Variants in RACGAP1 observed in about 807,000 individuals in gnomAD.
The protein encoded by RACGAP1 is rac GTPase-activating protein 1.
A neutral mutation model predicts 78.1 loss-of-function variants in RACGAP1; 30 were observed. The ratio of observed to expected loss-of-function variants is 0.38; its 90% CI spans 0.29 to 0.52. RACGAP1 has a LOEUF of 0.52. Ranked by LOEUF, RACGAP1 falls within the 20% of genes least tolerant of loss-of-function variation. RACGAP1 has a pLI of 0.82. For synonymous variants in RACGAP1, 231 were observed against 264.8 expected (o/e 0.87, Z 1.24); for missense variants, 587 against 777.1 (o/e 0.76, Z 2.91).
rs542659351 is a variant in RACGAP1, at chr12:50,006,418, G to A, written c.288+16C>T. On this transcript the variant is annotated intron_variant, in intron 3 of 16. Coordinates refer to ENST00000312377, the MANE Select transcript of RACGAP1 (RefSeq NM_001319999.2). ...TCCTGCATCATCACTGTTCTAGCAC[G>A]GAAAACAATACACACCAGCTTTTCG... is the stretch of plus-strand genomic sequence containing the variant. 386 of 1,613,682 alleles carry A rather than the reference G, an allele frequency of 2.4e-4. 3 individuals are homozygous for A. In the South Asian group the frequency reaches 3.4e-3, roughly 14 times the overall value.
intron 2 of RACGAP1, among the ~76,000 whole-genome samples, chr12:50,007,364 GGAA>G (rs1279523314): frequency 1.3e-5 from 2 of 152,098 alleles, no homozygotes; most frequent in Non-Finnish European, 2.9e-5. Context: ...GCATCTCAAA[GGAA>G]GAAGATAACC....
At chr12:50,031,755 C>T in exon 2 of RACGAP1, 1 of 985,452 alleles carries the variant, frequency 1.0e-6, no homozygotes, top group Non-Finnish European at 1.2e-6. Flanking sequence ...GGCATAAACT[C>T]CCGCAGCACT....
chr12:50,003,431 T>C (rs1948801277), intron 5 of RACGAP1, among the ~76,000 whole-genome samples: 1 of 152,202 alleles, frequency 6.6e-6, no homozygotes, highest in Non-Finnish European at 1.5e-5. Flanking sequence ...ATGCCTAATA[T>C]TTTTATCTAT....
At chr12:50,015,586 G>C (rs1422602801) in intron 2 of RACGAP1, among the ~76,000 whole-genome samples, 1 of 152,042 alleles carries the variant, frequency 6.6e-6, no homozygotes. Context: ...CAGATCACGA[G>C]GTCAGGAGAT....
At chr12:50,010,937 A>AG (rs968109703) in intron 2 of RACGAP1, among the ~76,000 whole-genome samples, 1 of 150,978 alleles carries the variant, frequency 6.6e-6, no homozygotes, top group African/African-American at 2.4e-5. Flanking sequence ...TTCTGTCTCA[A>AG]AAAAAAAATG....
In RACGAP1 at chr12:49,996,311, C is replaced by CA. The variant is rs201881176; in HGVS notation, c.1044+728dup. ...CCTGGACAACAGGGAAACTCTGTCT[C>CA]AAAAAAAAGAGAGACATTAAAAAAA... is the stretch of plus-strand genomic sequence containing the variant. On this transcript the variant is annotated intron_variant, in intron 10 of 16. Coordinates refer to ENST00000312377, the MANE Select transcript of RACGAP1 (RefSeq NM_001319999.2). 1.0e-3 allele frequency among the ~76,000 whole-genome samples: 152 copies of CA among 149,476 alleles called. 2 individuals carry two copies. Among genetic ancestry groups the CA allele is most frequent in the African/African-American group, 3.6e-3 (143 of 40,246 alleles).
chr12:50,031,410 T>A (rs1592253194), intron 2 of RACGAP1, among the ~76,000 whole-genome samples: 1 of 122,012 alleles, frequency 8.2e-6, no homozygotes, highest in Non-Finnish European at 1.6e-5. Flanking sequence ...ACCTGGGAGG[T>A]GGAGGCTGCA....
chr12:50,016,778 C>A, intron 1 of RACGAP1, 59 bp from the exon 2 acceptor site: 1 of 1,553,076 alleles, frequency 6.4e-7, no homozygotes, highest in Non-Finnish European at 8.8e-7. Flanking sequence ...ACAAAAGATT[C>A]TATAGCAATC....
intron 1 of RACGAP1, 139 bp from the exon 2 acceptor site, chr12:50,016,858 C>A (rs1265230181): frequency 1.4e-6 from 2 of 1,380,246 alleles, no homozygotes; most frequent in African/African-American, 2.9e-5. Flanking sequence ...AAGCTAACAA[C>A]AGATGTTTTG....
rs1323240647 is a variant in RACGAP1, at chr12:50,016,694, C to T, written c.22G>A (p.Val8Met). Residue 8 changes from valine to methionine, a missense_variant, in exon 2 of 17, where the codon GTG becomes ATG. Val to Met is a conservative substitution (Grantham distance 21). Coordinates refer to ENST00000312377, the MANE Select transcript of RACGAP1 (RefSeq NM_001319999.2). ...ACAAGCTGCTCAAACAGATTCCGCA[C>T]ATTCAGCATCATAGTATCCATCTTT... MDTMMLN[V>M]RNLFEQLVRR... 6.2e-7 allele frequency: 1 copy of T among 1,613,884 alleles called. No homozygotes were observed. Among genetic ancestry groups the T allele is most frequent in the Non-Finnish European group, 8.5e-7 (1 of 1,180,050 alleles).
chr12:49,991,434 A>G (rs1169265932), intron 15 of RACGAP1, among the ~76,000 whole-genome samples: 1 of 127,442 alleles, frequency 7.8e-6, no homozygotes, highest in Admixed American at 8.9e-5. Flanking sequence ...TAAGTGAAAT[A>G]AGAATGAATT....
chr12:49,991,840 G>T (rs1366351623), intron 15 of RACGAP1, among the ~76,000 whole-genome samples, 158 bp downstream of exon 15: 1 of 151,532 alleles, frequency 6.6e-6, no homozygotes, highest in Admixed American at 6.6e-5. Context: ...AAAGAAAGGA[G>T]AACATGGAAA....
rs149071305 is a variant in RACGAP1 at position 50,006,292 on chromosome 12, T to C, written c.288+142A>G. 1,026 of 841,188 alleles carry C rather than the reference T, an allele frequency of 1.2e-3. 1 individual carries two copies. Among genetic ancestry groups the C allele is most frequent in the Non-Finnish European group, 1.7e-3 (897 of 524,492 alleles). 52.1% of individuals were successfully genotyped at this position (841,188 alleles called of 1,614,324 possible). A position where few individuals can be genotyped will look rare whatever the true frequency, so the allele number is the denominator to read the frequency against. On this transcript the variant is annotated intron_variant, in intron 3 of 16. Transcript: ENST00000312377. ...TAGTCTGCAATTTCAGCTCTAATCA[T>C]GGGCAAGCTGTTAAAGAACAGGTCA...
Position 49,992,388 on chromosome 12 carries a change from G to T in RACGAP1, c.1446-11C>A, listed in dbSNP as rs1368216296. ...GGACTCTGAGCCACTCTAAGCAAAAGAATATTAAATTAGAAGTCTTGCTCC... is the reference window on the plus strand; with the variant it reads ...GGACTCTGAGCCACTCTAAGCAAAATAATATTAAATTAGAAGTCTTGCTCC... On this transcript the variant is annotated splice_polypyrimidine_tract_variant and intron_variant, in intron 13 of 16. Coordinates refer to ENST00000312377, the MANE Select transcript of RACGAP1 (RefSeq NM_001319999.2). 10 of 1,612,110 alleles carry T rather than the reference G, an allele frequency of 6.2e-6. No individual in the cohort carries two copies. Among genetic ancestry groups the T allele is most frequent in the African/African-American group, 1.3e-5 (1 of 74,858 alleles).
At chr12:49,997,431 C>G (rs763206253) in intron 9 of RACGAP1, among the ~76,000 whole-genome samples, 1 of 151,820 alleles carries the variant, frequency 6.6e-6, no homozygotes, top group African/African-American at 2.4e-5. Flanking sequence ...CCCACCACTA[C>G]GCCCAGCTAA....
intron 2 of RACGAP1, among the ~76,000 whole-genome samples, chr12:50,014,484 C>T (rs1049035384): frequency 2.6e-5 from 4 of 152,222 alleles, no homozygotes; most frequent in Admixed American, 6.5e-5. Flanking sequence ...TCATAGTTCA[C>T]TGTAGCCTCA....
At chr12:49,995,255 G>A (rs1948177880) in intron 10 of RACGAP1, among the ~76,000 whole-genome samples, 1 of 152,144 alleles carries the variant, frequency 6.6e-6, no homozygotes, top group Non-Finnish European at 1.5e-5. Flanking sequence ...GGCTGAGGCA[G>A]GAGAATCGCT....
intron 16 of RACGAP1, 45 bp downstream of exon 16, chr12:49,990,638 AG>A: frequency 7.0e-7 from 1 of 1,432,054 alleles, no homozygotes. Flanking sequence ...AAGAAGTCTA[AG>A]AAAGTAGTTG....
intron 1 of RACGAP1, among the ~76,000 whole-genome samples, chr12:50,020,628 T>G (rs1259632500): frequency 6.6e-6 from 1 of 152,158 alleles, no homozygotes; most frequent in Non-Finnish European, 1.5e-5. Flanking sequence ...ATTGAAGAGA[T>G]AAGTTACAAA....
Sources: allele counts gnomAD v4.1 joint callset (sites outside exome capture counted in the v4.1 genomes callset), GRCh38; gene constraint gnomAD v4.1.1; transcripts MANE v1.5; gene names NCBI Gene and HGNC (gene_info 2026-07-23, HGNC 2026-07-21).